SGMS1: variants seen among roughly 807,000 people sequenced by gnomAD.
SGMS1 encodes the protein sphingomyelin synthase 1.
Under a neutral mutation model 46.2 loss-of-function variants are expected in SGMS1, and 13 were observed. The ratio of observed to expected loss-of-function variants is 0.28; its 90% CI spans 0.18 to 0.45. The LOEUF (loss-of-function observed/expected upper bound fraction) is 0.45. Among genes scored for constraint, SGMS1 ranks in the 20% least tolerant of loss-of-function variants. The pLI, the probability that SGMS1 is intolerant of heterozygous loss-of-function variation, is 1.00. For synonymous variants in SGMS1, 203 were observed against 187.8 expected (o/e 1.08, Z -0.66); for missense variants, 324 against 519.9 (o/e 0.62, Z 3.66).
rs377005065 is a variant in SGMS1, at chr10:50,343,738, G to A, written c.377C>T (p.Ser126Phe). The A allele has an allele frequency of 6.2e-7, 1 of 1,614,070 alleles. No individual in the cohort carries two copies. The highest frequency in any genetic ancestry group is 1.3e-5 in the African/African-American group (1 of 74,932). ...CTTGCCCCACTCCATGGGGTACTGA[G>A]AGCGCTCCAGTTCTGGCATGGGGAT... ...IKIPMPELER[S>F]QYPMEWGKTF... is the part of the protein sequence containing the mutation. Residue 126 changes from serine (S) to phenylalanine (F), a missense_variant, in exon 7 of 11, where the codon TCT becomes TTT. By Grantham distance (155) the Ser-to-Phe change is radical. Coordinates refer to ENST00000361781, the MANE Select transcript of SGMS1 (RefSeq NM_147156.4).
chr10:50,492,412 G>A (rs546734504), intron 3 of SGMS1, among the ~76,000 whole-genome samples: 121 of 152,276 alleles, frequency 7.9e-4, no homozygotes, highest in African/African-American at 2.4e-3. Context: ...AAACCCCATC[G>A]TCTCAGCCCA....
intron 6 of SGMS1, among the ~76,000 whole-genome samples, chr10:50,429,379 C>G (rs1309448906): frequency 6.6e-6 from 1 of 152,128 alleles, no homozygotes; most frequent in African/African-American, 2.4e-5. Context: ...GAGCCACAGC[C>G]TATACCATAT....
intron 6 of SGMS1, among the ~76,000 whole-genome samples, chr10:50,420,309 C>T (rs188539941): frequency 2.5e-4 from 38 of 152,226 alleles, no homozygotes; most frequent in African/African-American, 8.9e-4. Context: ...AACATGAAGG[C>T]TTCTTTCATA....
At chr10:50,334,126 A>AC (rs1847674335) in intron 7 of SGMS1, among the ~76,000 whole-genome samples, 1 of 152,222 alleles carries the variant, frequency 6.6e-6, no homozygotes, top group Non-Finnish European at 1.5e-5. Flanking sequence ...ACAGGTTGTA[A>AC]CAGGAAGTAA....
At chr10:50,455,554 G>A (rs1228386575) in intron 5 of SGMS1, among the ~76,000 whole-genome samples, 1 of 152,138 alleles carries the variant, frequency 6.6e-6, no homozygotes, top group African/African-American at 2.4e-5. Flanking sequence ...ATTCTTTGCT[G>A]GTTAAAAATA....
chr10:50,515,344 C>G (rs1837791744), intron 3 of SGMS1, among the ~76,000 whole-genome samples: 1 of 152,186 alleles, frequency 6.6e-6, no homozygotes, highest in South Asian at 2.1e-4. Context: ...GGCTGTGTCT[C>G]TGCATTGTTT....
intron 4 of SGMS1, among the ~76,000 whole-genome samples, chr10:50,464,982 T>C (rs892774084): frequency 3.3e-5 from 5 of 152,150 alleles, no homozygotes; most frequent in African/African-American, 1.2e-4. Context: ...CAGATAAGGC[T>C]GAAACGAAAG....
chr10:50,449,029 A>G (rs1379430900), intron 5 of SGMS1, among the ~76,000 whole-genome samples: 1 of 152,168 alleles, frequency 6.6e-6, no homozygotes. Flanking sequence ...ACCTATTGAA[A>G]TTTTTTTAGG....
chr10:50,373,570 T>C lies in SGMS1; in HGVS notation c.-231-29225A>G, dbSNP rs138793595. On this transcript the variant is annotated intron_variant, in intron 6 of 10. Transcript: ENST00000361781. Reference sequence around the variant, plus strand: ...GATGTAAACTGTAAGATCAAACAATTTAACTTTCAAATGTCACAGGTTACT... The same window carrying C: ...GATGTAAACTGTAAGATCAAACAATCTAACTTTCAAATGTCACAGGTTACT... Among the ~76,000 whole-genome samples the C allele has an allele frequency of 7.1e-3, 1,079 of 152,300 alleles. 3 individuals carry two copies. Among genetic ancestry groups the C allele is most frequent in the Non-Finnish European group, 9.6e-3 (656 of 68,020 alleles).
At chr10:50,370,436 T>A (rs2117960) in intron 6 of SGMS1, among the ~76,000 whole-genome samples, 51,149 of 148,960 alleles carry the variant, frequency 0.34, 8,839 homozygotes, top group Middle Eastern at 0.41. Context: ...ACTTAAAAAA[T>A]TTTTTTTTTT....
At chr10:50,323,118 T>C (rs1022424735) in intron 8 of SGMS1, among the ~76,000 whole-genome samples, 4 of 152,226 alleles carry the variant, frequency 2.6e-5, no homozygotes, top group African/African-American at 9.7e-5. Context: ...CACAGCCTGA[T>C]CATCTCATAG....
At chr10:50,402,732 A>G (rs745635259) in intron 6 of SGMS1, among the ~76,000 whole-genome samples, 15 of 141,906 alleles carry the variant, frequency 1.1e-4, no homozygotes, top group Non-Finnish European at 2.3e-4. Context: ...GTTAACCAGA[A>G]CCATTTTTTT....
chr10:50,467,408 T>C (rs1204746307), intron 3 of SGMS1, among the ~76,000 whole-genome samples: 1 of 114,624 alleles, frequency 8.7e-6, no homozygotes, highest in Non-Finnish European at 1.9e-5. Flanking sequence ...CATAAGTGTA[T>C]GATCAAACAG....
intron 1 of SGMS1, among the ~76,000 whole-genome samples, chr10:50,614,935 T>C (rs1838782916): frequency 6.6e-6 from 1 of 152,258 alleles, no homozygotes; most frequent in Non-Finnish European, 1.5e-5. Context: ...GTCAAGGACT[T>C]AGAAAGTGGC....
intron 6 of SGMS1, among the ~76,000 whole-genome samples, chr10:50,345,232 A>G (rs1008785837): frequency 3.3e-5 from 5 of 152,022 alleles, no homozygotes; most frequent in African/African-American, 1.2e-4. Flanking sequence ...GTGAAGGGCC[A>G]AGGTCCTGAC....
intron 3 of SGMS1, among the ~76,000 whole-genome samples, chr10:50,498,161 G>A (rs1010873574): frequency 6.6e-6 from 1 of 152,102 alleles, no homozygotes; most frequent in Non-Finnish European, 1.5e-5. Context: ...CACCACCCCT[G>A]CTTTTTCAGC....
At chr10:50,415,709 G>C (rs1849160794) in intron 6 of SGMS1, among the ~76,000 whole-genome samples, 1 of 152,186 alleles carries the variant, frequency 6.6e-6, no homozygotes, top group South Asian at 2.1e-4. Flanking sequence ...TGGATGCTCT[G>C]ATCAGACACG....
At chr10:50,572,382 T>C (rs1838343904) in intron 2 of SGMS1, among the ~76,000 whole-genome samples, 1 of 152,192 alleles carries the variant, frequency 6.6e-6, no homozygotes, top group Admixed American at 6.5e-5. Context: ...AACATTCTCA[T>C]CCATTTGCCA....
chr10:50,350,710 T>C (rs116580135), intron 6 of SGMS1, among the ~76,000 whole-genome samples: 10 of 152,250 alleles, frequency 6.6e-5, no homozygotes, highest in African/African-American at 2.2e-4. Flanking sequence ...CCCCATTGTG[T>C]TGAGCCTGCG....
Sources: gnomAD v4.1 joint callset for allele counts (sites outside exome capture counted in the v4.1 genomes callset) on GRCh38, gnomAD v4.1.1 for gene constraint, MANE v1.5 for transcripts, NCBI Gene and HGNC (gene_info 2026-07-23, HGNC 2026-07-21) for gene names.